The following GSDME variants were observed in gnomAD, a reference collection of about 807,000 sequenced individuals.
GSDME encodes gasdermin-E.
A neutral mutation model predicts 47.5 loss-of-function variants in GSDME; 44 were observed. That is an observed-to-expected ratio of 0.93 (90% CI 0.73 to 1.19). GSDME has a LOEUF of 1.19. GSDME is among the 50% of genes most tolerant of loss of function. GSDME has a pLI of 0.00. For missense variants in GSDME, 663 were observed against 604.2 expected (o/e 1.10, Z -1.02); for synonymous variants, 258 against 252.8 (o/e 1.02, Z -0.20).
Position 24,744,236 on chromosome 7 carries a change from G to T in GSDME, c.404+326C>A. The T allele has an allele frequency of 3.3e-6, 1 of 303,106 alleles. No homozygotes were observed. Among genetic ancestry groups the T allele is most frequent in the Non-Finnish European group, 6.2e-6 (1 of 160,006 alleles). 18.8% of individuals were successfully genotyped at this position (303,106 alleles called of 1,614,324 possible). ...GCCAGAGGGGGGTCATGACTTCCTGGCTTCTAAAGTTAATATTCAAAAATG... is the reference window on the plus strand; with the variant it reads ...GCCAGAGGGGGGTCATGACTTCCTGTCTTCTAAAGTTAATATTCAAAAATG... On this transcript the variant is annotated intron_variant, in intron 3 of 9. Coordinates refer to ENST00000645220, the MANE Select transcript of GSDME (RefSeq NM_001127453.2). The surrounding 1 kb of genome is among the most constrained non-coding windows in gnomAD (Gnocchi z 4.5).
At chr7:24,794,275 T>TTG in the GSDME span, among the ~76,000 whole-genome samples, 1 of 138,876 alleles carries the variant, frequency 7.2e-6, no homozygotes, top group Non-Finnish European at 1.5e-5. Flanking sequence ...TCTCTCTCTC[T>TTG]CTTTCCTCTC....
the GSDME span, among the ~76,000 whole-genome samples, chr7:24,776,610 C>T: frequency 3.3e-5 from 5 of 152,096 alleles, no homozygotes; most frequent in Non-Finnish European, 4.4e-5. Context: ...TTTAAAAATT[C>T]GATTAAAATT....
At chr7:24,738,805 A>G (rs1303205868) in intron 3 of GSDME, among the ~76,000 whole-genome samples, 1 of 152,210 alleles carries the variant, frequency 6.6e-6, no homozygotes, top group Admixed American at 6.5e-5. Context: ...ATGGAATGGG[A>G]TGGAGAATCC....
rs373886192 is a variant in GSDME, at chr7:24,733,299, G to T, written c.404+11263C>A. On this transcript the variant is annotated intron_variant, in intron 3 of 9. Transcript: ENST00000645220. This position sits in a 1 kb window ranked among gnomAD's most constrained non-coding sequence, Gnocchi z 4.3. ...AGGCAATACATGCCATGAGCCTTGG[G>T]TGAGACTCTGAGACATGCTGACCCA... Among the ~76,000 whole-genome samples the T allele has an allele frequency of 3.0e-4, 46 of 152,180 alleles. No homozygotes were observed. The highest frequency in any genetic ancestry group is 6.8e-3 in the Middle Eastern group (2 of 292).
intron 8 of GSDME, chr7:24,703,287 T>C: frequency 3.3e-6 from 1 of 300,702 alleles, no homozygotes; most frequent in Non-Finnish European, 6.5e-6. Context: ...GTGTAAACTA[T>C]AAAGGGCTCT....
intron 2 of GSDME, among the ~76,000 whole-genome samples, chr7:24,748,166 ATAT>A (rs1254535521): frequency 0.021 from 2,042 of 97,666 alleles, 22 homozygotes; most frequent in Non-Finnish European, 0.032. Context: ...ATATATATAT[ATAT>A]TTTTTTTTGA....
upstream of GSDME, among the ~76,000 whole-genome samples, chr7:24,759,728 G>T (rs918422027): frequency 6.6e-6 from 1 of 152,116 alleles, no homozygotes; most frequent in Non-Finnish European, 1.5e-5. Context: ...AGTGCAGTAG[G>T]GGTCCCCCCA....
At chr7:24,720,789 C>T (rs1185678543) in intron 3 of GSDME, among the ~76,000 whole-genome samples, 1 of 152,104 alleles carries the variant, frequency 6.6e-6, no homozygotes, top group Non-Finnish European at 1.5e-5. Context: ...TGCCTGTAAT[C>T]CCAGCTACTC....
intron 9 of GSDME, among the ~76,000 whole-genome samples, chr7:24,701,980 G>A (rs906797592): frequency 2.6e-5 from 4 of 152,228 alleles, no homozygotes; most frequent in African/African-American, 4.8e-5. Flanking sequence ...TCCCAGATCT[G>A]ACAGCAGAGC....
Position 24,744,984 on chromosome 7 carries a change from C to CGTGTGTGTGTGTGT in GSDME, c.212-244_212-231dup, listed in dbSNP as rs3038357. On this transcript the variant is annotated intron_variant, in intron 2 of 9. Transcript: ENST00000645220. The surrounding 1 kb of genome is among the most constrained non-coding windows in gnomAD (Gnocchi z 4.5). ...GGGCACACAGTGGACCAGTGCAGCACGTGTGTGTGTGTGTGTGTGTGTGTG... is the reference window on the plus strand; with the variant it reads ...GGGCACACAGTGGACCAGTGCAGCACGTGTGTGTGTGTGTGTGTGTGTGTGTGTGTGTGTGTGTG... Among the ~76,000 whole-genome samples, 6 of 118,998 alleles carry CGTGTGTGTGTGTGT rather than the reference C, an allele frequency of 5.0e-5. No homozygotes were observed. The highest frequency in any genetic ancestry group is 7.1e-5 in the Non-Finnish European group (4 of 56,312). The allele number at this position is 118,998 out of a possible 152,430, so 78.1% of individuals were successfully genotyped here.
chr7:24,702,436 G>T, intron 9 of GSDME: 28 of 362,286 alleles, frequency 7.7e-5, no homozygotes, highest in South Asian at 6.0e-4. Context: ...ATGGTGTCAG[G>T]CCCCTTTATT....
At chr7:24,778,826 C>T in the GSDME span, among the ~76,000 whole-genome samples, 1 of 152,336 alleles carries the variant, frequency 6.6e-6, no homozygotes, top group African/African-American at 2.4e-5. This position sits in a 1 kb window ranked among gnomAD's most constrained non-coding sequence, Gnocchi z 5.6. Context: ...CTGGGAAATG[C>T]TGTCATTAGC....
chr7:24,743,729 C>T (rs762356464), intron 3 of GSDME, among the ~76,000 whole-genome samples: 5 of 152,202 alleles, frequency 3.3e-5, no homozygotes, highest in Non-Finnish European at 7.3e-5. Context: ...TGCCCAGATG[C>T]CCCTGTGCCT....
At chr7:24,715,664 T>A (rs1789525116) in intron 5 of GSDME, 1 of 309,672 alleles carries the variant, frequency 3.2e-6, no homozygotes, top group Non-Finnish European at 6.8e-6. Context: ...CATGATGCAC[T>A]TTTTTTGGAA....
rs1378017271 is a variant in GSDME at position 24,733,411 on chromosome 7, G to A, written c.404+11151C>T. Among the ~76,000 whole-genome samples, 1 of 152,178 alleles carries A rather than the reference G, an allele frequency of 6.6e-6. No individual in the cohort carries two copies. Among genetic ancestry groups the A allele is most frequent in the African/African-American group, 2.4e-5 (1 of 41,442 alleles). On this transcript the variant is annotated intron_variant, in intron 3 of 9. Transcript: ENST00000645220. This position sits in a 1 kb window ranked among gnomAD's most constrained non-coding sequence, Gnocchi z 4.3. ...CTGCTTGAGAAAAGCAGAGAGAAAA[G>A]AGGACTTTGTCTTGCAGCTTGGGTA... is the stretch of plus-strand genomic sequence containing the variant.
In GSDME at chr7:24,711,315, G is replaced by A. The variant is rs571453791; in HGVS notation, c.698-927C>T. ...GTAATCTCAGCTCACTACAACCTCC[G>A]TTTGCTGGAAGCGATTCTCCTGTCT... On this transcript the variant is annotated intron_variant, in intron 5 of 9. Transcript: ENST00000645220. Among the ~76,000 whole-genome samples, 9 of 152,104 alleles carry A rather than the reference G, an allele frequency of 5.9e-5. No individual in the cohort carries two copies. The East Asian group carries it at 9.7e-4, about 16-fold the overall frequency.
Position 24,752,478 on chromosome 7 carries a change from A to G in GSDME, c.-19-2685T>C, listed in dbSNP as rs544879048. 3.3e-5 allele frequency among the ~76,000 whole-genome samples: 5 copies of G among 152,348 alleles called. No homozygotes were observed. The South Asian group carries it at 1.0e-3, about 32-fold the overall frequency. On this transcript the variant is annotated intron_variant, in intron 1 of 9. Transcript: ENST00000645220. ...ACAAGATTAGAGATGGACAAAGATGACAACGCTCTGGACTATGTCAGTGGC... is the reference window on the plus strand; with the variant it reads ...ACAAGATTAGAGATGGACAAAGATGGCAACGCTCTGGACTATGTCAGTGGC...
chr7:24,711,540 G>T (rs537985510), intron 5 of GSDME, among the ~76,000 whole-genome samples: 5 of 152,066 alleles, frequency 3.3e-5, no homozygotes, highest in Non-Finnish European at 7.4e-5. Flanking sequence ...AATAAAAAGG[G>T]CCGGGCATGG....
chr7:24,770,936 C>T, the GSDME span, among the ~76,000 whole-genome samples: 2 of 148,722 alleles, frequency 1.3e-5, no homozygotes, highest in African/African-American at 2.5e-5. The surrounding 1 kb of genome is among the most constrained non-coding windows in gnomAD (Gnocchi z 4.6). Flanking sequence ...GTAACATTAG[C>T]GTAATGGAAA....
Sources: allele counts gnomAD v4.1 joint callset (sites outside exome capture counted in the v4.1 genomes callset), GRCh38; gene constraint gnomAD v4.1.1; non-coding constraint Gnocchi (gnomAD v3.1); transcripts MANE v1.5; gene names NCBI Gene and HGNC (gene_info 2026-07-23, HGNC 2026-07-21).